Variants in DIP2A observed in about 807,000 individuals in gnomAD.
DIP2A encodes the protein DIP2 acetate--CoA ligase A, also known as disco-interacting protein 2 homolog A.
DIP2A carries 85 observed loss-of-function variants against 177.4 expected under a neutral mutation model. The ratio of observed to expected loss-of-function variants is 0.48; its 90% confidence interval spans 0.40 to 0.57. The LOEUF (loss-of-function observed/expected upper bound fraction) is 0.57. Among genes scored for constraint, DIP2A ranks in the 20% least tolerant of loss-of-function variants. The pLI, the probability that DIP2A is intolerant of heterozygous loss-of-function variation, is 0.00. For missense variants in DIP2A, 1,791 were observed against 2,100.2 expected (o/e 0.85, Z 2.88); for synonymous variants, 886 against 881.8 (o/e 1.00, Z -0.08).
intron 6 of DIP2A, 105 bp downstream of exon 6, chr21:46,504,594 C>T (rs777024665): frequency 2.2e-5 from 30 of 1,374,512 alleles, no homozygotes; most frequent in Admixed American, 2.8e-5. Flanking sequence ...CCAAGCCAAA[C>T]GTCAGTTTTA....
rs1345914510 is a variant in DIP2A, at chr21:46,563,567, G to A, written c.4090-291G>A. The stretch of plus-strand genomic sequence containing the variant: ...GGATGGATGCCCATCAGGTGCGCTG[G>A]CATCACCTGGCTGATTGTCTTTGTA... On this transcript the variant is annotated intron_variant, in intron 34 of 37. Coordinates refer to ENST00000417564, the MANE Select transcript of DIP2A (RefSeq NM_015151.4). The surrounding 1 kb of genome is among the most constrained non-coding windows in gnomAD (Gnocchi z 4.3). 2.1e-5 allele frequency: 8 copies of A among 386,616 alleles called. No individual in the cohort carries two copies. Among genetic ancestry groups the A allele is most frequent in the Non-Finnish European group, 3.8e-5 (8 of 208,172 alleles). The allele number at this position is 386,616 out of a possible 1,614,324, so 23.9% of individuals were successfully genotyped here.
At chr21:46,562,695 G>A (rs151280238) in intron 34 of DIP2A, among the ~76,000 whole-genome samples, 45 of 152,364 alleles carry the variant, frequency 3.0e-4, no homozygotes, top group African/African-American at 1.1e-3. Flanking sequence ...GCGTGAGTGA[G>A]TGAACTCACA....
At chr21:46,546,695 C>T (rs1316838509) in intron 20 of DIP2A, among the ~76,000 whole-genome samples, 2 of 152,328 alleles carry the variant, frequency 1.3e-5, no homozygotes, top group East Asian at 1.9e-4. Flanking sequence ...CCTGATGCTG[C>T]CCCACCAGCC....
chr21:46,552,018 G>T lies in DIP2A; in HGVS notation c.3030+114G>T, dbSNP rs2060292023. ...GTTGTTCTCATGTTTAGAGAACAGG[G>T]TGCCTGTGGACTCAGCCCCCGTCCT... On this transcript the variant is annotated intron_variant, in intron 25 of 37. Transcript: ENST00000417564. 6 of 1,259,372 alleles carry T rather than the reference G, an allele frequency of 4.8e-6. No homozygotes were observed. In the Admixed American group the frequency reaches 1.2e-4, roughly 25 times the overall value. The allele number at this position is 1,259,372 out of a possible 1,614,324, so 78.0% of individuals were successfully genotyped here.
chr21:46,519,806 G>A (rs1406065870), intron 8 of DIP2A, among the ~76,000 whole-genome samples: 2 of 147,370 alleles, frequency 1.4e-5, no homozygotes, highest in Non-Finnish European at 3.0e-5. Flanking sequence ...AAGATGATAT[G>A]GGATTGCTAG....
At chr21:46,577,888 T>C in the DIP2A span, among the ~76,000 whole-genome samples, 32 of 152,340 alleles carry the variant, frequency 2.1e-4, no homozygotes, top group East Asian at 5.8e-3. Context: ...TTATTCTCTT[T>C]GTAGCAATTG....
intron 2 of DIP2A, among the ~76,000 whole-genome samples, chr21:46,486,079 AAAAAAAAAAAAAGAACT>A (rs1601448444): frequency 2.1e-5 from 1 of 48,288 alleles, no homozygotes; most frequent in Non-Finnish European, 4.2e-5. Flanking sequence ...TCAAAAAAAA[AAAAAAAAAAAAAGAACT>A]AAAGAACTAG....
intron 8 of DIP2A, among the ~76,000 whole-genome samples, chr21:46,511,987 C>T (rs893441622): frequency 6.6e-6 from 1 of 151,948 alleles, no homozygotes; most frequent in African/African-American, 2.4e-5. Flanking sequence ...TATATACAAC[C>T]TGATGAATTC....
intron 5 of DIP2A, among the ~76,000 whole-genome samples, chr21:46,503,187 G>A (rs981480002): frequency 6.6e-6 from 1 of 152,050 alleles, no homozygotes; most frequent in African/African-American, 2.4e-5. Flanking sequence ...GCTGGGTGTG[G>A]TGGCACATGC....
intron 1 of DIP2A, among the ~76,000 whole-genome samples, chr21:46,471,156 C>T (rs111978508): frequency 1.1e-4 from 17 of 152,254 alleles, no homozygotes; most frequent in African/African-American, 3.1e-4. Context: ...GCTTTAGCCT[C>T]CCAAGTAGTT....
At chr21:46,524,498 C>T (rs1398738314) in intron 8 of DIP2A, among the ~76,000 whole-genome samples, 2 of 152,120 alleles carry the variant, frequency 1.3e-5, no homozygotes, top group Non-Finnish European at 2.9e-5. Context: ...TCGGGGGTCT[C>T]CTCAGTATTG....
At chr21:46,559,689 G>A (rs2060601314) in intron 32 of DIP2A, among the ~76,000 whole-genome samples, 1 of 152,188 alleles carries the variant, frequency 6.6e-6, no homozygotes, top group Non-Finnish European at 1.5e-5. Flanking sequence ...GATGTTAATG[G>A]GATGTTCACG....
At chr21:46,510,669 C>T (rs113968600) in intron 7 of DIP2A, among the ~76,000 whole-genome samples, 56 of 144,228 alleles carry the variant, frequency 3.9e-4, no homozygotes, top group Non-Finnish European at 7.4e-4. Flanking sequence ...CTCACTCTGT[C>T]GCCCAGGCTG....
chr21:46,544,303 T>C (rs2093555572), intron 18 of DIP2A, among the ~76,000 whole-genome samples: 1 of 152,030 alleles, frequency 6.6e-6, no homozygotes, highest in Admixed American at 6.6e-5. Flanking sequence ...GGCGCACATG[T>C]ACAAATTGGC....
At chr21:46,559,121 A>C (rs890027562) in intron 32 of DIP2A, 2 of 151,580 alleles carry the variant, frequency 1.3e-5, no homozygotes, top group East Asian at 1.9e-4. Context: ...AAAAAAAAAA[A>C]AAACATAGGT....
intron 25 of DIP2A, 68 bp from the exon 26 acceptor site, chr21:46,554,101 A>C: frequency 1.3e-6 from 2 of 1,526,138 alleles, no homozygotes; most frequent in Non-Finnish European, 1.8e-6. Context: ...GGTGGTGTGC[A>C]CGCAGATCTG....
chr21:46,553,849 G>A (rs947388541), intron 25 of DIP2A: 3 of 210,366 alleles, frequency 1.4e-5, no homozygotes, highest in African/African-American at 6.7e-5. Flanking sequence ...GCTAGTGAGA[G>A]AGTACAGATG....
chr21:46,537,185 G>C lies in DIP2A; in HGVS notation c.1643-39G>C, dbSNP rs1601730926. ...AGAAAATGCATAGGGCTTATTGAGAGGGTTGCTCAGTGGTGTCACCTTCTT... is the reference window on the plus strand; with the variant it reads ...AGAAAATGCATAGGGCTTATTGAGACGGTTGCTCAGTGGTGTCACCTTCTT... On this transcript the variant is annotated intron_variant, in intron 13 of 37. Transcript: ENST00000417564. This position sits in a 1 kb window ranked among gnomAD's most constrained non-coding sequence, Gnocchi z 4.1. The C allele has an allele frequency of 6.2e-7, 1 of 1,609,558 alleles. No individual in the cohort carries two copies. The highest frequency in any genetic ancestry group is 2.2e-5 in the East Asian group (1 of 44,870).
intron 8 of DIP2A, among the ~76,000 whole-genome samples, chr21:46,517,281 G>A (rs886183667): frequency 1.6e-4 from 24 of 151,856 alleles, no homozygotes; most frequent in Non-Finnish European, 1.5e-4. Context: ...GTTTCACTGT[G>A]TTGTCCAGGC....
Sources: allele counts gnomAD v4.1 joint callset (sites outside exome capture counted in the v4.1 genomes callset), GRCh38; gene constraint gnomAD v4.1.1; non-coding constraint Gnocchi (gnomAD v3.1); transcripts MANE v1.5; gene names NCBI Gene and HGNC (gene_info 2026-07-23, HGNC 2026-07-21).